Variants in G3BP2 observed in about 807,000 individuals in gnomAD.
G3BP2 encodes the protein G3BP stress granule assembly factor 2.
A neutral mutation model predicts 56.7 loss-of-function variants in G3BP2; 11 were observed. The observed-to-expected ratio is 0.19, with a 90% CI of 0.12 to 0.32. The LOEUF is 0.32. Among genes scored for constraint, G3BP2 ranks in the 10% least tolerant of loss-of-function variants. The pLI is 1.00. For missense variants in G3BP2, 340 were observed against 610.9 expected (o/e 0.56, Z 4.67); for synonymous variants, 165 against 191.6 (o/e 0.86, Z 1.15).
At position 75,645,490 on chromosome 4, in the gene G3BP2, T is replaced by C. The variant is rs757830394; in HGVS notation, c.1389A>G (p.Lys463=). The change falls in exon 12 of 12, where the codon AAA becomes AAG. Residue 463 remains lysine (K), a synonymous_variant. Transcript: ENST00000359707. ...GCCCGGTTCCTCTTCCAGAGCCAAG[T>C]TTCTGTGCCATGCCACCCCTTGGAG... is the stretch of plus-strand genomic sequence containing the variant. ...GPPPRGGMAQ[K]LGSGRGTGQM... 3 of 1,614,048 alleles carry C rather than the reference T, an allele frequency of 1.9e-6. No homozygotes were observed. Among genetic ancestry groups the C allele is most frequent in the Admixed American group, 1.7e-5 (1 of 60,010 alleles).
rs956114472 is a variant in G3BP2 at position 75,644,063 on chromosome 4, C to T, written c.*1367G>A. On this transcript the variant is annotated 3_prime_UTR_variant, in exon 12 of 12. Coordinates refer to ENST00000359707, the MANE Select transcript of G3BP2 (RefSeq NM_203505.3). ...AAAATGAATGACAGTTCCCTGCCCC[C>T]CAAATAGAAAATGCAAACACTTAAA... The T allele has an allele frequency of 6.6e-6, 1 of 152,570 alleles. No individual in the cohort carries two copies. The highest frequency in any genetic ancestry group is 1.5e-5 in the Non-Finnish European group (1 of 68,032). The allele number at this position is 152,570 out of a possible 1,614,324, so 9.5% of individuals were successfully genotyped here.
At chr4:75,710,527 A>G (rs1297101839) in intron 3 of G3BP2, among the ~76,000 whole-genome samples, 1 of 152,210 alleles carries the variant, frequency 6.6e-6, no homozygotes, top group Admixed American at 6.5e-5. Flanking sequence ...CAAGAATACA[A>G]GCTCCACAAA....
intron 3 of G3BP2, among the ~76,000 whole-genome samples, chr4:75,702,302 C>G (rs1256291321): frequency 6.6e-6 from 1 of 151,870 alleles, no homozygotes. Flanking sequence ...TGCCATCACA[C>G]CCGGCTAATT....
intron 6 of G3BP2, among the ~76,000 whole-genome samples, 196 bp downstream of exon 6, chr4:75,655,572 G>C (rs1732032352): frequency 6.6e-6 from 1 of 152,074 alleles, no homozygotes; most frequent in African/African-American, 2.4e-5. Context: ...CCACTGTTTT[G>C]GTGCAAGCCA....
At position 75,643,127 on chromosome 4, in the gene G3BP2, C is replaced by A. The variant is rs1029095317; in HGVS notation, c.*2303G>T. On this transcript the variant is annotated 3_prime_UTR_variant, in exon 12 of 12. Transcript: ENST00000359707. ...CCACAGTACTGCAGGTGAACAATCA[C>A]CATGTAAACTTCTCCATATGATGTT... is the stretch of plus-strand genomic sequence containing the variant. The A allele has an allele frequency of 6.6e-6, 1 of 152,142 alleles. No individual in the cohort carries two copies. The highest frequency in any genetic ancestry group is 2.4e-5 in the African/African-American group (1 of 41,258). The allele number at this position is 152,142 out of a possible 1,614,324, so 9.4% of individuals were successfully genotyped here. A position where few individuals can be genotyped will look rare whatever the true frequency, so the allele number is the denominator to read the frequency against.
chr4:75,672,724 C>T (rs1056992121), intron 1 of G3BP2: 5 of 152,264 alleles, frequency 3.3e-5, no homozygotes, highest in Non-Finnish European at 5.9e-5. Flanking sequence ...CCTCCCCCCA[C>T]GGGCGGGGTG....
At chr4:75,661,825 A>C (rs542976643) in intron 2 of G3BP2, 106 bp downstream of exon 2, 1 of 634,088 alleles carries the variant, frequency 1.6e-6, no homozygotes, top group East Asian at 2.8e-5. Flanking sequence ...AGACATGTTT[A>C]CAAAGATACT....
intron 3 of G3BP2, among the ~76,000 whole-genome samples, chr4:75,686,777 A>G (rs886172750): frequency 6.6e-6 from 1 of 152,232 alleles, no homozygotes; most frequent in African/African-American, 2.4e-5. Context: ...AATACATTCT[A>G]GCAAAAATAT....
At chr4:75,720,179 C>G (rs1288933588) in intron 3 of G3BP2, among the ~76,000 whole-genome samples, 1 of 151,938 alleles carries the variant, frequency 6.6e-6, no homozygotes, top group African/African-American at 2.4e-5. Flanking sequence ...AACCTTCTTT[C>G]TTGGACTCTC....
At chr4:75,685,069 T>C (rs1718527281) in intron 3 of G3BP2, among the ~76,000 whole-genome samples, 1 of 152,132 alleles carries the variant, frequency 6.6e-6, no homozygotes, top group Admixed American at 6.6e-5. Context: ...TTATATAGGA[T>C]ACCAATATTG....
At chr4:75,716,378 T>C (rs1719926792) in intron 3 of G3BP2, among the ~76,000 whole-genome samples, 1 of 152,226 alleles carries the variant, frequency 6.6e-6, no homozygotes, top group Non-Finnish European at 1.5e-5. Context: ...TTTCACCATG[T>C]TGGCCAGGCT....
In G3BP2 at chr4:75,651,636, TA is replaced by T. The variant is rs138533925; in HGVS notation, c.825+2346del. Among the ~76,000 whole-genome samples, 98 of 152,330 alleles carry T rather than the reference TA, an allele frequency of 6.4e-4. No homozygotes were observed. In the East Asian group the frequency reaches 0.016, roughly 24 times the overall value. Reference sequence around the variant, plus strand: ...TTCTTCAGGTCTCCAGTTTCATGATTAAAACTAGTTTTTCTGAACAGATAAC... The same window carrying T: ...TTCTTCAGGTCTCCAGTTTCATGATTAAACTAGTTTTTCTGAACAGATAAC... On this transcript the variant is annotated intron_variant, in intron 8 of 11. Transcript: ENST00000359707.
chr4:75,661,807 TAC>T, intron 2 of G3BP2, 122 bp downstream of exon 2: 1 of 585,698 alleles, frequency 1.7e-6, no homozygotes, highest in Non-Finnish European at 3.1e-6. Flanking sequence ...AAATATTGAA[TAC>T]AGTTTAGACA....
intron 3 of G3BP2, among the ~76,000 whole-genome samples, chr4:75,693,786 TAA>T (rs59421805): frequency 0.17 from 24,426 of 141,302 alleles, 2,079 homozygotes; most frequent in South Asian, 0.36. Flanking sequence ...AGACTCCGTC[TAA>T]AAAAAAAAAA....
At chr4:75,723,488 C>T (rs1391336753) in intron 1 of G3BP2, among the ~76,000 whole-genome samples, 2 of 152,134 alleles carry the variant, frequency 1.3e-5, no homozygotes, top group African/African-American at 4.8e-5. Flanking sequence ...GGATGGAGAG[C>T]AGAACACCTA....
intron 3 of G3BP2, among the ~76,000 whole-genome samples, chr4:75,683,097 C>T (rs1481998221): frequency 2.0e-5 from 3 of 152,150 alleles, no homozygotes; most frequent in African/African-American, 4.8e-5. Context: ...ATGCAGGGTC[C>T]GCATCAGCTC....
chr4:75,705,320 C>T (rs1286771322), intron 3 of G3BP2, among the ~76,000 whole-genome samples: 2 of 152,216 alleles, frequency 1.3e-5, no homozygotes, highest in Non-Finnish European at 1.5e-5. Context: ...CTGGGAGGTA[C>T]AGGCCCACAC....
intron 3 of G3BP2, among the ~76,000 whole-genome samples, chr4:75,702,050 A>G (rs1040623331): frequency 6.6e-6 from 1 of 152,096 alleles, no homozygotes; most frequent in African/African-American, 2.4e-5. Context: ...TACCACACCT[A>G]AACAGATATT....
chr4:75,706,759 G>A (rs1272745214), intron 3 of G3BP2, among the ~76,000 whole-genome samples: 1 of 151,622 alleles, frequency 6.6e-6, no homozygotes, highest in African/African-American at 2.4e-5. Flanking sequence ...GCTAATATAT[G>A]CAAAGTTATT....
Sources: allele counts gnomAD v4.1 joint callset (sites outside exome capture counted in the v4.1 genomes callset), GRCh38; gene constraint gnomAD v4.1.1; transcripts MANE v1.5; gene names NCBI Gene and HGNC (gene_info 2026-07-23, HGNC 2026-07-21).